The following CNTNAP3B variants were observed in gnomAD, a reference collection of about 807,000 sequenced individuals.
CNTNAP3B encodes the protein contactin-associated protein-like 3B.
Under a neutral mutation model 108.9 loss-of-function variants are expected in CNTNAP3B, and 25 were observed. The observed-to-expected ratio is 0.23, with a 90% confidence interval of 0.17 to 0.32. CNTNAP3B has a LOEUF of 0.32. Among genes scored for constraint, CNTNAP3B ranks in the 10% least tolerant of loss-of-function variants. CNTNAP3B has a pLI of 1.00. For missense variants in CNTNAP3B, 252 were observed against 1,210.4 expected (o/e 0.21, Z 11.75); for synonymous variants, 103 against 473.4 (o/e 0.22, Z 10.16).
At chr9:41,894,418 G>A (rs1441531135) in intron 23 of CNTNAP3B, among the ~76,000 whole-genome samples, 13 of 53,884 alleles carry the variant, frequency 2.4e-4, no homozygotes, top group African/African-American at 1.3e-3. Flanking sequence ...GTGAGTTACC[G>A]TGCCTGGCCT....
rs1448702575 is a variant in CNTNAP3B at position 42,109,997 on chromosome 9, C to T, written c.86-5258G>A. Among the ~76,000 whole-genome samples, 2 of 138,636 alleles carry T rather than the reference C, an allele frequency of 1.4e-5. 1 individual carries two copies. The highest frequency in any genetic ancestry group is 3.1e-5 in the Non-Finnish European group (2 of 64,782). 91.0% of individuals were successfully genotyped at this position (138,636 alleles called of 152,430 possible). On this transcript the variant is annotated intron_variant, in intron 1 of 23. Coordinates refer to ENST00000377561, the MANE Select transcript of CNTNAP3B (RefSeq NM_001201380.3). The stretch of plus-strand genomic sequence containing the variant: ...GCCGGAAGAAACGAAGAATGCATGT[C>T]CCCCTAGAGCCTTCGTAGGGAGTGT...
At chr9:42,105,708 TC>T (rs1828083316) in intron 1 of CNTNAP3B, among the ~76,000 whole-genome samples, 1 of 96,618 alleles carries the variant, frequency 1.0e-5, no homozygotes, top group African/African-American at 4.0e-5. Flanking sequence ...TACCTCTGAG[TC>T]CCGCAGTCCA....
chr9:42,061,327 T>C (rs1420345942), intron 3 of CNTNAP3B, among the ~76,000 whole-genome samples: 10 of 127,780 alleles, frequency 7.8e-5, no homozygotes, highest in South Asian at 2.5e-4. Flanking sequence ...CTTTTTTTTT[T>C]TTTTTTTTTT....
chr9:42,012,394 G>A (rs1280732433), intron 4 of CNTNAP3B, among the ~76,000 whole-genome samples: 1 of 109,424 alleles, frequency 9.1e-6, no homozygotes, highest in African/African-American at 3.8e-5. Context: ...AACAAGCAGA[G>A]TTAGGAAATG....
chr9:41,976,897 G>A (rs1355329060), intron 9 of CNTNAP3B, among the ~76,000 whole-genome samples: 1 of 136,956 alleles, frequency 7.3e-6, no homozygotes, highest in African/African-American at 2.9e-5. Flanking sequence ...TCCAGCCTGG[G>A]CAACAGAGTG....
rs1471116677 is a variant in CNTNAP3B at position 42,123,713 on chromosome 9, CT to C, written c.85+5296del. ...CTGAGAAGCAATGACATTCAATAAA[CT>C]TTTTTCCACGGGATTTAGTTACAAA... On this transcript the variant is annotated intron_variant, in intron 1 of 23. Transcript: ENST00000377561. Among the ~76,000 whole-genome samples the C allele has an allele frequency of 1.2e-4, 16 of 138,332 alleles. 5 individuals carry two copies. In the South Asian group the frequency reaches 3.3e-3, roughly 28 times the overall value. The allele number at this position is 138,332 out of a possible 152,430, so 90.8% of individuals were successfully genotyped here.
chr9:41,925,580 G>A (rs1164804690), intron 15 of CNTNAP3B, among the ~76,000 whole-genome samples: 5 of 150,962 alleles, frequency 3.3e-5, no homozygotes, highest in African/African-American at 7.4e-5. Flanking sequence ...GCAACAGAGC[G>A]AGACTCCATC....
intron 14 of CNTNAP3B, among the ~76,000 whole-genome samples, chr9:41,931,494 A>C (rs1397785868): frequency 1.3e-5 from 2 of 152,286 alleles, no homozygotes; most frequent in African/African-American, 4.8e-5. Flanking sequence ...ATTGGAAAAT[A>C]TAAAACTAAA....
intron 9 of CNTNAP3B, among the ~76,000 whole-genome samples, chr9:41,984,077 A>C (rs1825682354): frequency 1.6e-5 from 1 of 62,882 alleles, no homozygotes; most frequent in African/African-American, 6.5e-5. Flanking sequence ...TAAATAAATA[A>C]AAATCTTAAG....
intron 14 of CNTNAP3B, among the ~76,000 whole-genome samples, chr9:41,933,060 C>T (rs981725710): frequency 1.3e-5 from 2 of 152,288 alleles, no homozygotes; most frequent in Non-Finnish European, 2.9e-5. Context: ...CCTTAATTTC[C>T]ATATGAATTT....
At chr9:41,962,783 G>T (rs1194628321) in intron 11 of CNTNAP3B, among the ~76,000 whole-genome samples, 2 of 152,116 alleles carry the variant, frequency 1.3e-5, no homozygotes, top group African/African-American at 4.8e-5. Flanking sequence ...GCAAAACCCC[G>T]TCTCTACTAA....
intron 10 of CNTNAP3B, 25 bp from the exon 11 acceptor site, chr9:41,964,669 T>G (rs1235161041): frequency 6.6e-7 from 1 of 1,506,586 alleles, no homozygotes; most frequent in South Asian, 1.3e-5. Context: ...ATACAACTGC[T>G]GTTTCCCTTT....
intron 13 of CNTNAP3B, among the ~76,000 whole-genome samples, chr9:41,942,260 G>A (rs1824373364): frequency 6.6e-6 from 1 of 152,378 alleles, no homozygotes; most frequent in South Asian, 2.1e-4. Flanking sequence ...CAGATCATGA[G>A]GTCAGGAGAT....
At chr9:42,035,284 G>C (rs1302119749) in intron 3 of CNTNAP3B, among the ~76,000 whole-genome samples, 16 of 144,042 alleles carry the variant, frequency 1.1e-4, no homozygotes, top group Admixed American at 2.1e-4. Flanking sequence ...AGATTAGCAA[G>C]TGAGCTCACC....
chr9:42,042,198 G>C (rs1256193557), intron 3 of CNTNAP3B, among the ~76,000 whole-genome samples: 3 of 115,390 alleles, frequency 2.6e-5, no homozygotes, highest in African/African-American at 6.8e-5. Flanking sequence ...AACCTGCTAC[G>C]TTGTACACAT....
chr9:41,950,750 T>A (rs1362947981), intron 13 of CNTNAP3B, among the ~76,000 whole-genome samples: 5 of 39,694 alleles, frequency 1.3e-4, no homozygotes, highest in African/African-American at 5.1e-4. Flanking sequence ...AGGAATTCTT[T>A]TTTTTTTTTT....
In CNTNAP3B at chr9:42,121,343, G is replaced by A. The variant is rs1400762945; in HGVS notation, c.85+7667C>T. ...GCTCACTTTCTAAAAGAGGCTACCT[G>A]CACAAACGCCCATCACAGGCTCAGC... On this transcript the variant is annotated intron_variant, in intron 1 of 23. Coordinates refer to ENST00000377561, the MANE Select transcript of CNTNAP3B (RefSeq NM_001201380.3). 4.3e-5 allele frequency among the ~76,000 whole-genome samples: 6 copies of A among 139,224 alleles called. No individual in the cohort carries two copies. In the South Asian group the frequency reaches 7.0e-4, roughly 16 times the overall value. 91.3% of individuals were successfully genotyped at this position (139,224 alleles called of 152,430 possible).
chr9:42,097,443 C>T lies in CNTNAP3B; in HGVS notation c.196+7186G>A. Among the ~76,000 whole-genome samples, 2 of 139,772 alleles carry T rather than the reference C, an allele frequency of 1.4e-5. 1 individual carries two copies. Among genetic ancestry groups the T allele is most frequent in the Admixed American group, 1.4e-4 (2 of 14,092 alleles). The allele number at this position is 139,772 out of a possible 152,430, so 91.7% of individuals were successfully genotyped here. A position where few individuals can be genotyped will look rare whatever the true frequency, so the allele number is the denominator to read the frequency against. ...GTGGTCACTAGTAATGTTTTCTAGTCCAGATTGTGAAATTTGTATTTGTTA... is the reference window on the plus strand; with the variant it reads ...GTGGTCACTAGTAATGTTTTCTAGTTCAGATTGTGAAATTTGTATTTGTTA... On this transcript the variant is annotated intron_variant, in intron 2 of 23. Coordinates refer to ENST00000377561, the MANE Select transcript of CNTNAP3B (RefSeq NM_001201380.3).
At chr9:42,047,557 A>C in intron 3 of CNTNAP3B, among the ~76,000 whole-genome samples, 1 of 61,914 alleles carries the variant, frequency 1.6e-5, no homozygotes. Flanking sequence ...GGGTGAGATG[A>C]AAACATTCAG....
Sources: allele counts gnomAD v4.1 joint callset (sites outside exome capture counted in the v4.1 genomes callset), GRCh38; gene constraint gnomAD v4.1.1; transcripts MANE v1.5; gene names NCBI Gene and HGNC (gene_info 2026-07-23, HGNC 2026-07-21).